The following LSM3 variants were observed in gnomAD, a reference collection of about 807,000 sequenced individuals.
LSM3 encodes the protein U6 snRNA-associated Sm-like protein LSm3.
LSM3 carries 14 observed loss-of-function variants against 15.4 expected under a neutral mutation model. The observed-to-expected ratio is 0.91, with a 90% CI of 0.60 to 1.42. The LOEUF is 1.42. Among genes scored for constraint, LSM3 ranks in the 40% most tolerant of loss-of-function variants. LSM3 has a pLI of 0.00. For missense variants in LSM3, 88 were observed against 127.9 expected (o/e 0.69, Z 1.50); for synonymous variants, 46 against 45.1 (o/e 1.02, Z -0.08).
chr3:14,190,942 T>C (rs1392585629), intron 3 of LSM3, among the ~76,000 whole-genome samples: 3 of 152,218 alleles, frequency 2.0e-5, no homozygotes, highest in Non-Finnish European at 4.4e-5. Flanking sequence ...ATAGTTCTTA[T>C]TATTTTGAGA....
At chr3:14,196,164 A>C (rs992100940) in intron 3 of LSM3, among the ~76,000 whole-genome samples, 3 of 151,688 alleles carry the variant, frequency 2.0e-5, no homozygotes, top group Admixed American at 6.6e-5. Flanking sequence ...TCACCGTGTT[A>C]GCCAGGATGG....
chr3:14,190,210 A>G (rs978207987), intron 3 of LSM3, among the ~76,000 whole-genome samples: 1 of 152,130 alleles, frequency 6.6e-6, no homozygotes, highest in Non-Finnish European at 1.5e-5. Context: ...GCCTTGTAGT[A>G]TAGTTTGAAG....
chr3:14,195,282 A>T (rs935172270), intron 3 of LSM3, among the ~76,000 whole-genome samples: 3 of 152,126 alleles, frequency 2.0e-5, no homozygotes, highest in African/African-American at 7.2e-5. Context: ...TTAGGCTAGA[A>T]CTCAGTGATA....
In LSM3 at chr3:14,198,125, A is replaced by G. The variant is rs1280638161; in HGVS notation, c.*9A>G. 5.0e-6 allele frequency: 8 copies of G among 1,610,164 alleles called. No individual in the cohort carries two copies. In the South Asian group the frequency reaches 7.7e-5, roughly 15 times the overall value. On this transcript the variant is annotated 3_prime_UTR_variant, in exon 4 of 4. Coordinates refer to ENST00000306024, the MANE Select transcript of LSM3 (RefSeq NM_014463.3). ...CACTGAGAGTTGGCTGAAACAAAGA[A>G]TTTGTCCTGTATGGAAAACGGGAGA...
intron 1 of LSM3, among the ~76,000 whole-genome samples, 193 bp from the exon 2 acceptor site, chr3:14,181,367 T>C (rs1461644841): frequency 6.6e-6 from 1 of 152,216 alleles, no homozygotes. Flanking sequence ...AAAAGCTCTG[T>C]TCTAAGCCTT....
intron 3 of LSM3, among the ~76,000 whole-genome samples, chr3:14,195,455 TAA>T (rs11290219): frequency 2.0e-4 from 30 of 151,372 alleles, no homozygotes; most frequent in Admixed American, 3.3e-4. Flanking sequence ...CAAAGGGCTT[TAA>T]AAAAAAAATT....
intron 3 of LSM3, among the ~76,000 whole-genome samples, chr3:14,189,262 T>A (rs1697117821): frequency 6.6e-6 from 1 of 152,236 alleles, no homozygotes; most frequent in Non-Finnish European, 1.5e-5. Flanking sequence ...GCAATAAACA[T>A]ACATATGTAT....
intron 1 of LSM3, among the ~76,000 whole-genome samples, chr3:14,180,226 A>G (rs908440824): frequency 6.6e-6 from 1 of 151,958 alleles, no homozygotes. Flanking sequence ...TCTAAAACCA[A>G]TGTTTCCAGC....
At position 14,199,040 on chromosome 3, in the gene LSM3, C is replaced by G. The variant is rs1697211189; in HGVS notation, c.*924C>G. The G allele has an allele frequency of 6.6e-6, 1 of 152,122 alleles. No homozygotes were observed. Among genetic ancestry groups the G allele is most frequent in the East Asian group, 1.9e-4 (1 of 5,180 alleles). The allele number at this position is 152,122 out of a possible 1,614,324, so 9.4% of individuals were successfully genotyped here. On this transcript the variant is annotated 3_prime_UTR_variant, in exon 4 of 4. Transcript: ENST00000306024. ...CAGAGGGACATTGTAAACATCAACC[C>G]TGCAGTAGAAGACAGAGCAAAGCAT...
At chr3:14,187,583 G>A (rs949819980) in intron 3 of LSM3, among the ~76,000 whole-genome samples, 6 of 152,146 alleles carry the variant, frequency 3.9e-5, no homozygotes, top group South Asian at 4.1e-4. Flanking sequence ...TCTCCTGTGC[G>A]CTCTTGTTAC....
rs1697228352 is a variant in LSM3, at chr3:14,200,829, A to G, written c.*2713A>G. 6.6e-6 allele frequency: 1 copy of G among 152,186 alleles called. No homozygotes were observed. The highest frequency in any genetic ancestry group is 6.5e-5 in the Admixed American group (1 of 15,274). The allele number at this position is 152,186 out of a possible 1,614,324, so 9.4% of individuals were successfully genotyped here. A position where few individuals can be genotyped will look rare whatever the true frequency, so the allele number is the denominator to read the frequency against. On this transcript the variant is annotated 3_prime_UTR_variant, in exon 4 of 4. Transcript: ENST00000306024. Reference sequence around the variant, plus strand: ...TAAGAGGCAGAAAGTGGTTTCACACACCCTTTTATTTAATCAGCTAAAGTG... The same window carrying G: ...TAAGAGGCAGAAAGTGGTTTCACACGCCCTTTTATTTAATCAGCTAAAGTG...
rs1366435667 is a variant in LSM3, at chr3:14,200,231, A to G, written c.*2115A>G. ...GCTGCTAAGATACAAGGGGAGGGAC[A>G]ATAAAAGGTTAACTGCAGAATAGCC... is the stretch of plus-strand genomic sequence containing the variant. On this transcript the variant is annotated 3_prime_UTR_variant, in exon 4 of 4. Coordinates refer to ENST00000306024, the MANE Select transcript of LSM3 (RefSeq NM_014463.3). The G allele has an allele frequency of 6.6e-6, 1 of 152,258 alleles. No homozygotes were observed. The highest frequency in any genetic ancestry group is 1.5e-5 in the Non-Finnish European group (1 of 68,050). 9.4% of individuals were successfully genotyped at this position (152,258 alleles called of 1,614,324 possible). A position where few individuals can be genotyped will look rare whatever the true frequency, so the allele number is the denominator to read the frequency against.
intron 3 of LSM3, among the ~76,000 whole-genome samples, chr3:14,196,404 G>A (rs1233201771): frequency 6.6e-6 from 1 of 152,062 alleles, no homozygotes; most frequent in African/African-American, 2.4e-5. Flanking sequence ...CGTGACTTTC[G>A]GTTTTCTCCG....
intron 1 of LSM3, among the ~76,000 whole-genome samples, chr3:14,180,846 TTTTTTTTTTTTAA>T (rs1559390215): frequency 7.1e-4 from 60 of 84,034 alleles, no homozygotes; most frequent in African/African-American, 1.1e-3. Flanking sequence ...TTTTTTTTTT[TTTTTTTTTTTTAA>T]AAAAAAAAAA....
intron 3 of LSM3, among the ~76,000 whole-genome samples, chr3:14,196,158 C>T (rs960894895): frequency 6.6e-6 from 1 of 151,892 alleles, no homozygotes; most frequent in Non-Finnish European, 1.5e-5. Context: ...GGGGTTTCAC[C>T]GTGTTAGCCA....
chr3:14,200,224 G>T lies in LSM3; in HGVS notation c.*2108G>T, dbSNP rs1293530905. The T allele has an allele frequency of 6.6e-6, 1 of 152,216 alleles. No homozygotes were observed. Among genetic ancestry groups the T allele is most frequent in the African/African-American group, 2.4e-5 (1 of 41,454 alleles). The allele number at this position is 152,216 out of a possible 1,614,324, so 9.4% of individuals were successfully genotyped here. On this transcript the variant is annotated 3_prime_UTR_variant, in exon 4 of 4. Transcript: ENST00000306024. ...TTTCCTAGCTGCTAAGATACAAGGGGAGGGACAATAAAAGGTTAACTGCAG... is the reference window on the plus strand; with the variant it reads ...TTTCCTAGCTGCTAAGATACAAGGGTAGGGACAATAAAAGGTTAACTGCAG...
intron 3 of LSM3, among the ~76,000 whole-genome samples, chr3:14,196,148 G>A (rs1390790262): frequency 3.3e-5 from 5 of 151,696 alleles, no homozygotes; most frequent in South Asian, 2.1e-4. Context: ...TAGTAGAGAC[G>A]GGGTTTCACC....
chr3:14,185,831 C>T (rs1697083426), intron 3 of LSM3, among the ~76,000 whole-genome samples: 1 of 152,132 alleles, frequency 6.6e-6, no homozygotes, highest in South Asian at 2.1e-4. Context: ...AATAGTAGTT[C>T]ACTGGGCTAT....
chr3:14,179,415 G>T (rs2125054985), intron 1 of LSM3, among the ~76,000 whole-genome samples: 1 of 152,308 alleles, frequency 6.6e-6, no homozygotes, highest in East Asian at 1.9e-4. Flanking sequence ...CAAGGAACTG[G>T]TATGCAGAAT....
Sources: allele counts gnomAD v4.1 joint callset (sites outside exome capture counted in the v4.1 genomes callset), GRCh38; gene constraint gnomAD v4.1.1; transcripts MANE v1.5; gene names NCBI Gene and HGNC (gene_info 2026-07-23, HGNC 2026-07-21).